SLCO2A1: variants seen among roughly 807,000 people sequenced by gnomAD.
SLCO2A1 encodes the protein solute carrier organic anion transporter family member 2A1, also known as matrin F/G 1.
Under a neutral mutation model 71.7 loss-of-function variants are expected in SLCO2A1, and 60 were observed. The observed-to-expected ratio is 0.84, with a 90% CI of 0.68 to 1.04. The LOEUF is 1.04. Ranked by LOEUF, SLCO2A1 falls within the 50% of genes least tolerant of loss-of-function variation. The probability of loss-of-function intolerance (pLI) is 0.00; values close to 1 mark genes in which losing one functional copy is unlikely to be tolerated. For synonymous variants in SLCO2A1, 308 were observed against 326.7 expected (o/e 0.94, Z 0.62); for missense variants, 745 against 813.4 (o/e 0.92, Z 1.02).
Position 134,026,047 on chromosome 3 carries a change from A to T in SLCO2A1, c.96+3660T>A, listed in dbSNP as rs933014047. On this transcript the variant is annotated intron_variant, in intron 1 of 13. Coordinates refer to ENST00000310926, the MANE Select transcript of SLCO2A1 (RefSeq NM_005630.3). Reference sequence around the variant, plus strand: ...ATCAATGACCATGGGAAGCCCGAGAATTAGTACCTACAGACCCAGTTCCTG... The same window carrying T: ...ATCAATGACCATGGGAAGCCCGAGATTTAGTACCTACAGACCCAGTTCCTG... Among the ~76,000 whole-genome samples the T allele has an allele frequency of 2.0e-5, 3 of 152,302 alleles. No homozygotes were observed. In the East Asian group the frequency reaches 5.8e-4, roughly 29 times the overall value.
intron 2 of SLCO2A1, 97 bp downstream of exon 2, chr3:133,979,384 T>C (rs575468089): frequency 3.5e-5 from 51 of 1,458,578 alleles, no homozygotes; most frequent in Non-Finnish European, 4.8e-5. Flanking sequence ...ATTGCACCTA[T>C]GTGCACATCT....
chr3:133,947,119 G>A, intron 9 of SLCO2A1, 137 bp downstream of exon 9: 1 of 697,274 alleles, frequency 1.4e-6, no homozygotes, highest in Non-Finnish European at 2.3e-6. Flanking sequence ...GGGTGACGGA[G>A]CGAGACTCTG....
chr3:134,006,629 C>G (rs1354913755), intron 1 of SLCO2A1, among the ~76,000 whole-genome samples: 1 of 152,172 alleles, frequency 6.6e-6, no homozygotes, highest in African/African-American at 2.4e-5. Flanking sequence ...CAAGTTTCAT[C>G]TGTATTGTAG....
intron 2 of SLCO2A1, 84 bp from the exon 3 acceptor site, chr3:133,973,909 A>G (rs1934392738): frequency 7.3e-7 from 1 of 1,366,592 alleles, no homozygotes; most frequent in African/African-American, 1.4e-5. Flanking sequence ...CACTTCATCC[A>G]GGAAAACTGG....
intron 3 of SLCO2A1, among the ~76,000 whole-genome samples, chr3:133,961,955 T>C (rs1028412596): frequency 3.3e-5 from 5 of 152,220 alleles, no homozygotes; most frequent in African/African-American, 1.2e-4. Context: ...GGGACAGGTG[T>C]TTATGTCAGA....
chr3:133,942,391 A>T (rs1254741383), intron 11 of SLCO2A1: 2 of 503,044 alleles, frequency 4.0e-6, no homozygotes, highest in Non-Finnish European at 7.0e-6. Flanking sequence ...TGCAATGAGG[A>T]GCTCAGCACA....
Position 133,991,410 on chromosome 3 carries a change from A to G in SLCO2A1, c.97-11792T>C, listed in dbSNP as rs1304883241. 2.5e-4 allele frequency among the ~76,000 whole-genome samples: 38 copies of G among 152,236 alleles called. 1 individual carries two copies. Among genetic ancestry groups the G allele is most frequent in the Admixed American group, 2.5e-3 (38 of 15,276 alleles). Reference sequence around the variant, plus strand: ...TGCCCCAAAGGGGAATGACTCTTTCAAGAAGTGATTCAGGAAATCCAATAT... The same window carrying G: ...TGCCCCAAAGGGGAATGACTCTTTCGAGAAGTGATTCAGGAAATCCAATAT... On this transcript the variant is annotated intron_variant, in intron 1 of 13. Coordinates refer to ENST00000310926, the MANE Select transcript of SLCO2A1 (RefSeq NM_005630.3).
intron 1 of SLCO2A1, among the ~76,000 whole-genome samples, chr3:133,997,115 A>G (rs1934983283): frequency 6.6e-6 from 1 of 152,112 alleles, no homozygotes; most frequent in Non-Finnish European, 1.5e-5. Flanking sequence ...CATCTCCTGG[A>G]TATGTCCATC....
At chr3:134,023,845 T>C (rs1349827188) in intron 1 of SLCO2A1, among the ~76,000 whole-genome samples, 5 of 152,124 alleles carry the variant, frequency 3.3e-5, no homozygotes, top group Admixed American at 6.6e-5. Context: ...GTCCTCCAGT[T>C]GACCAGGTGT....
chr3:133,988,758 T>C (rs994945236), intron 1 of SLCO2A1, among the ~76,000 whole-genome samples: 2 of 152,218 alleles, frequency 1.3e-5, no homozygotes, highest in Non-Finnish European at 2.9e-5. Flanking sequence ...AAAGTCAATT[T>C]GGCCTCAGGG....
At chr3:134,009,008 AC>A (rs762375485) in intron 1 of SLCO2A1, among the ~76,000 whole-genome samples, 2 of 152,176 alleles carry the variant, frequency 1.3e-5, no homozygotes, top group Non-Finnish European at 2.9e-5. Flanking sequence ...TCCTTGGTCC[AC>A]CCTCAGGTAA....
At chr3:133,949,258 CA>C in intron 6 of SLCO2A1, 1 of 402,374 alleles carries the variant, frequency 2.5e-6, no homozygotes. Flanking sequence ...TGACTGTTGC[CA>C]AAGGTGTCTT....
intron 3 of SLCO2A1, among the ~76,000 whole-genome samples, chr3:133,959,665 A>G (rs937847909): frequency 6.6e-6 from 1 of 151,960 alleles, no homozygotes; most frequent in African/African-American, 2.4e-5. Context: ...TCTCTACTAA[A>G]AATACAAAAA....
chr3:133,972,945 A>G (rs182485011), intron 3 of SLCO2A1, among the ~76,000 whole-genome samples: 1 of 152,380 alleles, frequency 6.6e-6, no homozygotes, highest in African/African-American at 2.4e-5. Context: ...GAAACCAGTA[A>G]ACTTGTGAGT....
intron 1 of SLCO2A1, among the ~76,000 whole-genome samples, chr3:134,008,181 A>G (rs761736991): frequency 2.1e-4 from 32 of 152,222 alleles, no homozygotes; most frequent in Non-Finnish European, 4.3e-4. Context: ...GATGCATTAA[A>G]TATAATCCAG....
In SLCO2A1 at chr3:133,955,067, A is replaced by AC; in HGVS notation, c.523dup (p.Val175GlyfsTer23). 1 of 1,614,100 alleles carries AC rather than the reference A, an allele frequency of 6.2e-7. No individual in the cohort carries two copies. Among genetic ancestry groups the AC allele is most frequent in the Non-Finnish European group, 8.5e-7 (1 of 1,180,002 alleles). On this transcript the variant is annotated frameshift_variant, in exon 4 of 14. Coordinates refer to ENST00000310926, the MANE Select transcript of SLCO2A1 (RefSeq NM_005630.3). LOFTEE classifies it high-confidence loss of function. Reference sequence around the variant, plus strand: ...CCCGATGCCAGCCAGCAGCTGGGCAACCACCATCAGGCCCCACATGCTGCT... The same window carrying AC: ...CCCGATGCCAGCCAGCAGCTGGGCAACCCACCATCAGGCCCCACATGCTGCT...
chr3:133,959,481 G>A (rs1236803806), intron 3 of SLCO2A1, among the ~76,000 whole-genome samples: 1 of 151,642 alleles, frequency 6.6e-6, no homozygotes, highest in Non-Finnish European at 1.5e-5. Context: ...AATGTAAAGT[G>A]GTGTAGCCAA....
chr3:133,955,205 G>T lies in SLCO2A1; in HGVS notation c.398-12C>A. 1.2e-6 allele frequency: 2 copies of T among 1,606,008 alleles called. No homozygotes were observed. The highest frequency in any genetic ancestry group is 1.7e-6 in the Non-Finnish European group (2 of 1,175,540). On this transcript the variant is annotated splice_polypyrimidine_tract_variant and intron_variant, in intron 3 of 13. Coordinates refer to ENST00000310926, the MANE Select transcript of SLCO2A1 (RefSeq NM_005630.3). ...GCGGCTGTTGTTCCCTGCAACGAGA[G>T]TGCTTGCTGGTCTCCACCACCCTGG...
At position 133,933,392 on chromosome 3, in the gene SLCO2A1, A is replaced by G. The variant is rs369148093; in HGVS notation, c.*1321T>C. The G allele has an allele frequency of 4.6e-5, 7 of 152,292 alleles. No homozygotes were observed. Among genetic ancestry groups the G allele is most frequent in the African/African-American group, 9.6e-5 (4 of 41,526 alleles). The allele number at this position is 152,292 out of a possible 1,614,324, so 9.4% of individuals were successfully genotyped here. ...ACCCTGGGAGAAGGCCCTAATGTAA[A>G]TGGAGGGAGGTGAGGTAAGAGCTGA... is the stretch of plus-strand genomic sequence containing the variant. On this transcript the variant is annotated 3_prime_UTR_variant, in exon 14 of 14. Transcript: ENST00000310926.
Sources: allele counts gnomAD v4.1 joint callset (sites outside exome capture counted in the v4.1 genomes callset), GRCh38; gene constraint gnomAD v4.1.1; transcripts MANE v1.5; gene names NCBI Gene and HGNC (gene_info 2026-07-23, HGNC 2026-07-21).